PATJ: variants seen among roughly 807,000 people sequenced by gnomAD.
PATJ encodes PATJ crumbs cell polarity complex component, also known as inaD-like protein.
PATJ carries 190 observed loss-of-function variants against 224.9 expected under a neutral mutation model. That is an observed-to-expected ratio of 0.84 (90% CI 0.75 to 0.95). PATJ has a LOEUF of 0.95. Ranked by LOEUF, PATJ falls within the 40% of genes least tolerant of loss-of-function variation. The pLI is 0.00. For synonymous variants in PATJ, 769 were observed against 820.3 expected (o/e 0.94, Z 1.07); for missense variants, 2,121 against 2,270.3 (o/e 0.93, Z 1.34).
intron 20 of PATJ, among the ~76,000 whole-genome samples, chr1:61,871,971 G>T (rs1027555509): frequency 6.6e-6 from 1 of 151,500 alleles, no homozygotes; most frequent in South Asian, 2.1e-4. Flanking sequence ...CTCCCAAAGT[G>T]CTGGGATTAC....
chr1:62,054,811 C>G (rs1654266155), intron 31 of PATJ, among the ~76,000 whole-genome samples: 1 of 152,084 alleles, frequency 6.6e-6, no homozygotes, highest in Non-Finnish European at 1.5e-5. Context: ...AATCCCAGCA[C>G]TTTGGGATGC....
rs1193513209 is a variant in PATJ at position 62,086,266 on chromosome 1, C to T, written c.4377+1618C>T. Among the ~76,000 whole-genome samples, 2 of 133,848 alleles carry T rather than the reference C, an allele frequency of 1.5e-5. No individual in the cohort carries two copies. Among genetic ancestry groups the T allele is most frequent in the African/African-American group, 3.5e-5 (1 of 28,974 alleles). 87.8% of individuals were successfully genotyped at this position (133,848 alleles called of 152,430 possible). On this transcript the variant is annotated intron_variant, in intron 33 of 43. Coordinates refer to ENST00000642238, the MANE Select transcript of PATJ (RefSeq NM_001350145.3). This position sits in a 1 kb window ranked among gnomAD's most constrained non-coding sequence, Gnocchi z 4.0. The stretch of plus-strand genomic sequence containing the variant: ...TGTATGTGTGTGTGTGTGTTTAATA[C>T]CTGCATATTATACAAAGTTAAATTG...
At chr1:61,755,504 T>A (rs1046149628) in intron 1 of PATJ, among the ~76,000 whole-genome samples, 2 of 152,138 alleles carry the variant, frequency 1.3e-5, no homozygotes, top group African/African-American at 4.8e-5. Context: ...TTAAAAAGTT[T>A]GAAGACCACT....
chr1:62,148,360 C>T lies in PATJ; in HGVS notation c.5348C>T (p.Pro1783Leu). The stretch of plus-strand genomic sequence containing the variant: ...TCTACAGGCTACCACCTTGGTTCGC[C>T]CACTGCTGAACACCATCCAGAAGAC... ...NMSTGYHLGS[P>L]TAEHHPEDTE... The change falls in exon 42 of 44, where the codon CCC becomes CTC. Residue 1783 changes from proline to leucine, a missense_variant. Pro to Leu is a moderately conservative substitution (Grantham distance 98). Transcript: ENST00000642238. 1 of 1,613,698 alleles carries T rather than the reference C, an allele frequency of 6.2e-7. No homozygotes were observed. Among genetic ancestry groups the T allele is most frequent in the Non-Finnish European group, 8.5e-7 (1 of 1,179,724 alleles).
At chr1:62,072,588 C>G (rs1290261262) in intron 31 of PATJ, 1 of 151,366 alleles carries the variant, frequency 6.6e-6, no homozygotes, top group Non-Finnish European at 1.5e-5. Flanking sequence ...ATGGTGACCT[C>G]CTGGGAGGAG....
chr1:61,883,038 T>C (rs1236355088), intron 21 of PATJ, among the ~76,000 whole-genome samples: 1 of 152,242 alleles, frequency 6.6e-6, no homozygotes, highest in Non-Finnish European at 1.5e-5. Context: ...TGTCTATATA[T>C]GATAGTTATA....
chr1:62,085,572 A>T (rs1209000524), intron 33 of PATJ, among the ~76,000 whole-genome samples: 4 of 152,124 alleles, frequency 2.6e-5, no homozygotes, highest in Non-Finnish European at 5.9e-5. Context: ...TCAGGCCAGC[A>T]TGGTAACCGA....
rs992881269 is a variant in PATJ, at chr1:62,149,180, C to T, written c.5378+790C>T. 7.7e-5 allele frequency among the ~76,000 whole-genome samples: 5 copies of T among 64,632 alleles called. No homozygotes were observed. In the South Asian group the frequency reaches 1.4e-3, roughly 18 times the overall value. The allele number at this position is 64,632 out of a possible 152,430, so 42.4% of individuals were successfully genotyped here. A position where few individuals can be genotyped will look rare whatever the true frequency, so the allele number is the denominator to read the frequency against. The stretch of plus-strand genomic sequence containing the variant: ...AATCTAGGGAGCATGTTTAAAGATG[C>T]GAATTCCCAGGCCACATCCCAAAAT... On this transcript the variant is annotated intron_variant, in intron 42 of 43. Transcript: ENST00000642238.
chr1:61,743,631 C>G (rs1644875167), intron 1 of PATJ, among the ~76,000 whole-genome samples: 1 of 152,186 alleles, frequency 6.6e-6, no homozygotes, highest in Admixed American at 6.5e-5. Flanking sequence ...TTGCACACAT[C>G]TATTTGAAAG....
At chr1:61,889,776 ATTGT>A (rs974715560) in intron 22 of PATJ, among the ~76,000 whole-genome samples, 2 of 152,168 alleles carry the variant, frequency 1.3e-5, no homozygotes. Flanking sequence ...AAACCTATGA[ATTGT>A]TTATTTCTGA....
At chr1:61,915,423 T>C (rs920057104) in intron 26 of PATJ, among the ~76,000 whole-genome samples, 2 of 152,200 alleles carry the variant, frequency 1.3e-5, no homozygotes, top group Non-Finnish European at 2.9e-5. Context: ...TCTTTTTTCC[T>C]GATAGAGCAC....
intron 16 of PATJ, among the ~76,000 whole-genome samples, chr1:61,828,939 C>A (rs1658814716): frequency 6.6e-6 from 1 of 152,146 alleles, no homozygotes; most frequent in East Asian, 1.9e-4. Context: ...AATGGTGATA[C>A]TTATCATACT....
At chr1:61,768,351 T>TC (rs1019274288) in intron 4 of PATJ, among the ~76,000 whole-genome samples, 5 of 151,868 alleles carry the variant, frequency 3.3e-5, no homozygotes, top group Admixed American at 1.3e-4. Context: ...GCGCCTGTAG[T>TC]CCCAGCTACT....
chr1:61,990,516 A>G, intron 28 of PATJ, 152 bp downstream of exon 28: 1 of 507,582 alleles, frequency 2.0e-6, no homozygotes, highest in Non-Finnish European at 3.3e-6. Context: ...ACAGAAATCA[A>G]ACTGTTGTTT....
At chr1:61,812,010 G>A (rs945056014) in intron 14 of PATJ, among the ~76,000 whole-genome samples, 12 of 151,566 alleles carry the variant, frequency 7.9e-5, no homozygotes, top group African/African-American at 1.9e-4. Flanking sequence ...GCAGTGAGCC[G>A]AGATCACGCC....
intron 16 of PATJ, 196 bp from the exon 17 acceptor site, chr1:61,833,458 T>C: frequency 2.4e-6 from 1 of 425,072 alleles, no homozygotes; most frequent in Non-Finnish European, 4.1e-6. Flanking sequence ...TTTTAAGCAC[T>C]TGAATTTTTA....
intron 30 of PATJ, among the ~76,000 whole-genome samples, chr1:62,043,727 G>GT (rs1013324084): frequency 1.6e-4 from 11 of 67,424 alleles, no homozygotes; most frequent in African/African-American, 2.8e-4. Context: ...GTTTTGGTTT[G>GT]GGGGGGGCAG....
intron 15 of PATJ, among the ~76,000 whole-genome samples, chr1:61,825,612 T>C (rs1270907167): frequency 6.6e-6 from 1 of 152,124 alleles, no homozygotes; most frequent in African/African-American, 2.4e-5. Context: ...AACAGCTATT[T>C]ACAGCAGCTA....
intron 19 of PATJ, among the ~76,000 whole-genome samples, chr1:61,862,408 G>C (rs969181108): frequency 1.3e-5 from 2 of 152,040 alleles, no homozygotes; most frequent in Admixed American, 6.6e-5. Context: ...CGTTGGCCAG[G>C]CTGGTCTCGA....
Sources: gnomAD v4.1 joint callset for allele counts (sites outside exome capture counted in the v4.1 genomes callset) on GRCh38, gnomAD v4.1.1 for gene constraint, Gnocchi (gnomAD v3.1) non-coding constraint, MANE v1.5 for transcripts, NCBI Gene and HGNC (gene_info 2026-07-23, HGNC 2026-07-21) for gene names.